AFG2A: variants seen among roughly 807,000 people sequenced by gnomAD.
AFG2A encodes the protein AAA ATPase AFG2A.
chr4:123,057,222 C>G, the AFG2A span: 1 of 1,613,872 alleles, frequency 6.2e-7, no homozygotes, highest in Non-Finnish European at 8.5e-7. Context: ...TTCCGAAAAG[C>G]AAGAGCAGTG....
At chr4:123,250,077 AAATG>A in the AFG2A span, among the ~76,000 whole-genome samples, 4 of 152,186 alleles carry the variant, frequency 2.6e-5, no homozygotes, top group Non-Finnish European at 5.9e-5. Context: ...TGATTATTTT[AAATG>A]AATGGGAGCC....
the AFG2A span, among the ~76,000 whole-genome samples, chr4:122,972,770 G>C: frequency 6.6e-6 from 1 of 151,846 alleles, no homozygotes; most frequent in Non-Finnish European, 1.5e-5. Context: ...TCATTCTCCT[G>C]AGGTCAGAGA....
At chr4:123,298,952 AG>A in the AFG2A span, among the ~76,000 whole-genome samples, 1,872 of 152,326 alleles carry the variant, frequency 0.012, 31 homozygotes, top group African/African-American at 0.042. Context: ...TTAAAGGCAC[AG>A]CTATGCCAGG....
At chr4:123,165,750 CTT>C in the AFG2A span, among the ~76,000 whole-genome samples, 3 of 151,944 alleles carry the variant, frequency 2.0e-5, no homozygotes, top group Non-Finnish European at 4.4e-5. Context: ...AATTACTTGC[CTT>C]TTTAAGTCAA....
At chr4:123,041,479 C>T in the AFG2A span, among the ~76,000 whole-genome samples, 2 of 151,622 alleles carry the variant, frequency 1.3e-5, no homozygotes, top group Non-Finnish European at 2.9e-5. Flanking sequence ...GATTTTTAGA[C>T]TATGTATAAT....
chr4:123,228,780 G>T, the AFG2A span, among the ~76,000 whole-genome samples: 173 of 152,130 alleles, frequency 1.1e-3, no homozygotes, highest in African/African-American at 4.1e-3. Context: ...AACCAGATAT[G>T]ATTAACATAA....
the AFG2A span, among the ~76,000 whole-genome samples, chr4:123,290,092 G>A: frequency 6.6e-6 from 1 of 151,996 alleles, no homozygotes; most frequent in African/African-American, 2.4e-5. Flanking sequence ...TAAATTCTGG[G>A]TATCAGTCCC....
the AFG2A span, among the ~76,000 whole-genome samples, chr4:123,111,035 T>A: frequency 1.3e-5 from 2 of 152,242 alleles, no homozygotes; most frequent in African/African-American, 2.4e-5. Context: ...CATAACATAG[T>A]ATGCTTCTGA....
chr4:122,951,930 G>A, the AFG2A span, among the ~76,000 whole-genome samples: 1 of 152,152 alleles, frequency 6.6e-6, no homozygotes, highest in Non-Finnish European at 1.5e-5. Context: ...AGATGACAGG[G>A]CCAAGCACTG....
the AFG2A span, among the ~76,000 whole-genome samples, chr4:123,051,967 G>C: frequency 1.3e-5 from 2 of 152,076 alleles, no homozygotes; most frequent in East Asian, 3.9e-4. Flanking sequence ...TAACCTTCAT[G>C]TACCTGGATA....
At chr4:123,031,040 C>A in the AFG2A span, among the ~76,000 whole-genome samples, 1 of 152,180 alleles carries the variant, frequency 6.6e-6, no homozygotes, top group Non-Finnish European at 1.5e-5. Flanking sequence ...CTAGCATTTT[C>A]ATTGGTCCTT....
the AFG2A span, chr4:122,935,740 C>G: frequency 6.2e-7 from 1 of 1,609,904 alleles, no homozygotes; most frequent in Non-Finnish European, 8.5e-7. Context: ...AGGAGTGTTA[C>G]TTTATGGTCC....
chr4:123,245,229 G>A, the AFG2A span, among the ~76,000 whole-genome samples: 1 of 152,120 alleles, frequency 6.6e-6, no homozygotes, highest in Non-Finnish European at 1.5e-5. Flanking sequence ...GGGAAAAGAA[G>A]CAGAGGACAG....
the AFG2A span, among the ~76,000 whole-genome samples, chr4:123,134,373 G>A: frequency 6.6e-6 from 1 of 152,078 alleles, no homozygotes; most frequent in South Asian, 2.1e-4. Context: ...TTTCCCCATT[G>A]TATGTTCTTG....
At chr4:122,983,839 AGCTGGGTAGACTT>A in the AFG2A span, among the ~76,000 whole-genome samples, 4 of 152,340 alleles carry the variant, frequency 2.6e-5, no homozygotes, top group South Asian at 8.3e-4. Flanking sequence ...ACCAACCCAG[AGCTGGGTAGACTT>A]GCTGGGTGGC....
At chr4:123,238,587 A>G in the AFG2A span, among the ~76,000 whole-genome samples, 1 of 152,230 alleles carries the variant, frequency 6.6e-6, no homozygotes, top group African/African-American at 2.4e-5. Flanking sequence ...CCTGTTGCTT[A>G]GGGACCTGAC....
the AFG2A span, among the ~76,000 whole-genome samples, chr4:122,936,796 A>G: frequency 1.8e-4 from 28 of 152,300 alleles, no homozygotes; most frequent in African/African-American, 5.1e-4. Flanking sequence ...CCTGGCTAAC[A>G]TAGTGAAACC....
At chr4:123,242,444 A>G in the AFG2A span, among the ~76,000 whole-genome samples, 4 of 152,270 alleles carry the variant, frequency 2.6e-5, no homozygotes, top group Middle Eastern at 3.4e-3. Context: ...AAATAACACC[A>G]TGCATCTACA....
the AFG2A span, among the ~76,000 whole-genome samples, chr4:122,962,923 A>G: frequency 1.3e-5 from 2 of 152,120 alleles, no homozygotes; most frequent in Admixed American, 6.6e-5. Context: ...TTCACCTCTC[A>G]TCTATCTTTA....
Sources: allele counts gnomAD v4.1 joint callset (sites outside exome capture counted in the v4.1 genomes callset), GRCh38; gene constraint gnomAD v4.1.1; transcripts MANE v1.5; gene names NCBI Gene and HGNC (gene_info 2026-07-23, HGNC 2026-07-21).